The following PABIR2 variants were observed in gnomAD, a reference collection of about 807,000 sequenced individuals.
PABIR2 encodes family with sequence similarity 122B.
A neutral mutation model predicts 22.8 loss-of-function variants in PABIR2; 7 were observed. The observed-to-expected ratio is 0.31, with a 90% CI of 0.17 to 0.58. PABIR2 has a LOEUF of 0.58. Ranked by LOEUF, PABIR2 falls within the 20% of genes least tolerant of loss-of-function variation. The pLI is 0.89. For synonymous variants in PABIR2, 67 were observed against 73.8 expected, an observed-to-expected ratio of 0.91 and a Z score of 0.47; for missense variants, 155 against 205.1, an observed-to-expected ratio of 0.76 and a Z score of 1.49.
At chrX:134,787,029 A>C (rs1055790593) in intron 7 of PABIR2, among the ~76,000 whole-genome samples, 1 of 111,167 alleles carries the variant, frequency 9.0e-6, no homozygotes, top group Non-Finnish European at 1.9e-5. Context: ...ATGGTTGTTC[A>C]CTGTGAAATT....
intron 7 of PABIR2, 81 bp downstream of exon 7, chrX:134,787,391 C>T (rs759947626): frequency 1.7e-5 from 17 of 999,107 alleles, no homozygotes; most frequent in East Asian, 1.6e-4. Context: ...TGAGCCACTG[C>T]GCCCAGCCAC....
intron 9 of PABIR2, among the ~76,000 whole-genome samples, chrX:134,772,671 C>T (rs897379896): frequency 9.0e-6 from 1 of 111,213 alleles, no homozygotes; most frequent in African/African-American, 3.3e-5. Context: ...TAACCATACT[C>T]GGACTATCAG....
In PABIR2 at chrX:134,796,567, CAG is replaced by C. The variant is rs1316377861; in HGVS notation, c.-364_-363del. On this transcript the variant is annotated 5_prime_UTR_variant, in exon 1 of 10. Transcript: ENST00000343004. ...AAGGATAGGTGGAAAAGCAGGAGGA[CAG>C]AGAGGATAAGAGGAGGGCAGAGGGG... The C allele has an allele frequency of 8.8e-6, 1 of 113,081 alleles. No individual in the cohort carries two copies. Among genetic ancestry groups the C allele is most frequent in the Non-Finnish European group, 1.6e-5 (1 of 60,901 alleles). The allele number at this position is 113,081 out of a possible 1,213,427, so 9.3% of individuals were successfully genotyped here.
chrX:134,778,997 G>T (rs2079082845), intron 9 of PABIR2, among the ~76,000 whole-genome samples: 1 of 110,864 alleles, frequency 9.0e-6, no homozygotes, highest in Non-Finnish European at 1.9e-5. Context: ...TGTATTTTTA[G>T]TAGAGACGAG....
Position 134,796,118 on chromosome X carries a change from G to A in PABIR2, c.88C>T (p.His30Tyr), listed in dbSNP as rs144680960. 1.1e-4 allele frequency: 136 copies of A among 1,207,874 alleles called. No individual in the cohort carries two copies. In the African/African-American group the frequency reaches 1.8e-3, roughly 16 times the overall value. Residue 30 changes from histidine to tyrosine, a missense_variant, in exon 1 of 10, where the codon CAT becomes TAT. Coordinates refer to ENST00000343004, the MANE Select transcript of PABIR2 (RefSeq NM_001387468.1). ...LRRSSSAPLI[H>Y]GLSDLSQVFQ... ...CCCAACCCTGCTCACCTGAGCCCAT[G>A]GATTAGGGGAGCGCTGCTGGATCTC... is the stretch of plus-strand genomic sequence containing the variant.
chrX:134,793,663 G>A (rs749830429), intron 2 of PABIR2, 152 bp downstream of exon 2: 4 of 716,171 alleles, frequency 5.6e-6, no homozygotes, highest in Non-Finnish European at 8.5e-6. Context: ...ACCAAAAGCT[G>A]AATGGCCACA....
intron 8 of PABIR2, 105 bp from the exon 9 acceptor site, chrX:134,782,022 A>T: frequency 2.2e-6 from 1 of 450,605 alleles, no homozygotes; most frequent in Non-Finnish European, 3.6e-6. Context: ...ATACTTCTTC[A>T]AACCACTTCT....
chrX:134,791,951 T>C (rs1240679673), intron 2 of PABIR2, among the ~76,000 whole-genome samples: 1 of 111,801 alleles, frequency 8.9e-6, no homozygotes, highest in Non-Finnish European at 1.9e-5. Context: ...TTTCCATCAC[T>C]TGGAGTCTTC....
At position 134,794,991 on chromosome X, in the gene PABIR2, A is replaced by G. The variant is rs754173438; in HGVS notation, c.99-1098T>C. Among the ~76,000 whole-genome samples the G allele has an allele frequency of 2.7e-5, 3 of 112,137 alleles. No homozygotes were observed. In the East Asian group the frequency reaches 8.4e-4, roughly 31 times the overall value. ...ATGTTTTTGCTACAATAGTCTAAAT[A>G]CAGGTCAATAGAATTGCTGAAGTCC... On this transcript the variant is annotated intron_variant, in intron 1 of 9. Coordinates refer to ENST00000343004, the MANE Select transcript of PABIR2 (RefSeq NM_001387468.1).
intron 8 of PABIR2, among the ~76,000 whole-genome samples, 195 bp downstream of exon 8, chrX:134,785,691 C>T (rs1054001962): frequency 7.1e-5 from 8 of 112,001 alleles, no homozygotes; most frequent in African/African-American, 2.6e-4. Context: ...ATCCACCTGC[C>T]TCGGCCTCCG....
chrX:134,786,379 G>A (rs762489437), intron 7 of PABIR2, among the ~76,000 whole-genome samples: 2 of 110,142 alleles, frequency 1.8e-5, no homozygotes, highest in Non-Finnish European at 1.9e-5. Context: ...TTAGCCAGGC[G>A]TGGTGGTGCA....
At chrX:134,779,246 T>C (rs2079090622) in intron 9 of PABIR2, among the ~76,000 whole-genome samples, 1 of 111,181 alleles carries the variant, frequency 9.0e-6, no homozygotes, top group African/African-American at 3.3e-5. Flanking sequence ...CTGGAGAACA[T>C]GGCAAAACTC....
intron 9 of PABIR2, among the ~76,000 whole-genome samples, chrX:134,777,338 G>A (rs1400420230): frequency 9.0e-6 from 1 of 111,033 alleles, no homozygotes; most frequent in African/African-American, 3.3e-5. Flanking sequence ...ACCGGCCTGG[G>A]CAACATGGCG....
At chrX:134,778,043 G>T (rs1293068158) in intron 9 of PABIR2, among the ~76,000 whole-genome samples, 1 of 103,958 alleles carries the variant, frequency 9.6e-6, no homozygotes, top group Non-Finnish European at 2.0e-5. Flanking sequence ...ACAGGCATGC[G>T]CACCATGCCC....
At chrX:134,779,723 C>T (rs1371787776) in intron 9 of PABIR2, among the ~76,000 whole-genome samples, 1 of 112,857 alleles carries the variant, frequency 8.9e-6, no homozygotes, top group Non-Finnish European at 1.9e-5. Flanking sequence ...TAAGTCACCT[C>T]ACCCTGTATG....
intron 2 of PABIR2, among the ~76,000 whole-genome samples, chrX:134,790,109 A>G (rs1393083985): frequency 2.7e-5 from 3 of 112,480 alleles, no homozygotes; most frequent in Non-Finnish European, 5.6e-5. Context: ...AAACTGCAAT[A>G]AGGAGGTTTT....
At chrX:134,788,126 C>T (rs750529383) in intron 6 of PABIR2, among the ~76,000 whole-genome samples, 4 of 100,012 alleles carry the variant, frequency 4.0e-5, no homozygotes, top group African/African-American at 1.5e-4. Flanking sequence ...AATATATACA[C>T]GTTATATATG....
intron 3 of PABIR2, 115 bp downstream of exon 3, chrX:134,789,465 T>C (rs45512799): frequency 1.2e-6 from 1 of 835,374 alleles, no homozygotes; most frequent in Non-Finnish European, 1.7e-6. Context: ...AGAAGAATTA[T>C]AATCTGTCTC....
At chrX:134,782,077 C>T (rs1412320876) in intron 8 of PABIR2, among the ~76,000 whole-genome samples, 160 bp from the exon 9 acceptor site, 3 of 112,335 alleles carry the variant, frequency 2.7e-5, no homozygotes, top group African/African-American at 6.5e-5. Flanking sequence ...AAATATGCTT[C>T]CACATAAACT....
Sources: gnomAD v4.1 joint callset for allele counts (sites outside exome capture counted in the v4.1 genomes callset) on GRCh38, gnomAD v4.1.1 for gene constraint, MANE v1.5 for transcripts, NCBI Gene and HGNC (gene_info 2026-07-23, HGNC 2026-07-21) for gene names.